Variants in DPYD observed in about 807,000 individuals in gnomAD.
The protein encoded by DPYD is dihydropyrimidine dehydrogenase [NADP(+)].
In DPYD, 109 loss-of-function variants were observed where a neutral mutation model predicts 116.2. The ratio of observed to expected loss-of-function variants is 0.94; its 90% CI spans 0.80 to 1.10. The LOEUF is 1.10. Ranked by LOEUF, DPYD falls within the 50% of genes least tolerant of loss-of-function variation. DPYD has a pLI of 0.00. For missense variants in DPYD, 1,302 were observed against 1,254.5 expected (o/e 1.04, Z -0.57); for synonymous variants, 440 against 432.0 (o/e 1.02, Z -0.23).
chr1:97,662,936 G>A (rs1659351221), intron 8 of DPYD, among the ~76,000 whole-genome samples: 1 of 152,174 alleles, frequency 6.6e-6, no homozygotes, highest in African/African-American at 2.4e-5. Context: ...TCTGCATAGG[G>A]TGGTTATGAA....
intron 14 of DPYD, among the ~76,000 whole-genome samples, chr1:97,405,065 T>C (rs2101647583): frequency 6.6e-6 from 1 of 152,088 alleles, no homozygotes; most frequent in East Asian, 1.9e-4. Context: ...ATGAGCATCT[T>C]ATAATAAAAA....
chr1:97,183,281 T>A (rs1215245561), intron 20 of DPYD, among the ~76,000 whole-genome samples: 1 of 152,118 alleles, frequency 6.6e-6, no homozygotes, highest in Non-Finnish European at 1.5e-5. Flanking sequence ...AATTACTTTT[T>A]TGTCCTGTGT....
chr1:97,198,467 C>T, intron 19 of DPYD, among the ~76,000 whole-genome samples: 1 of 152,052 alleles, frequency 6.6e-6, no homozygotes, highest in East Asian at 1.9e-4. Context: ...GCAAGTGCAC[C>T]ATTGAGAACA....
At chr1:97,914,120 G>T (rs184963678) in intron 1 of DPYD, among the ~76,000 whole-genome samples, 1 of 152,200 alleles carries the variant, frequency 6.6e-6, no homozygotes. Context: ...TAGCAAAAAT[G>T]CTGTTACACA....
intron 16 of DPYD, among the ~76,000 whole-genome samples, chr1:97,318,385 G>C (rs1288002118): frequency 7.3e-6 from 1 of 137,900 alleles, no homozygotes; most frequent in Non-Finnish European, 1.6e-5. Context: ...GATGGAGGAA[G>C]ATCTACCAAG....
chr1:97,737,598 AG>A (rs1664031900), intron 4 of DPYD, among the ~76,000 whole-genome samples: 1 of 152,158 alleles, frequency 6.6e-6, no homozygotes, highest in Non-Finnish European at 1.5e-5. Flanking sequence ...TTGTTTGATA[AG>A]AGTATAAACC....
intron 3 of DPYD, among the ~76,000 whole-genome samples, chr1:97,810,286 CAAAAAAAAAA>C (rs71071672): frequency 1.4e-5 from 1 of 73,610 alleles, no homozygotes; most frequent in African/African-American, 5.8e-5. Flanking sequence ...GACTCCATCT[CAAAAAAAAAA>C]AAAAAAAAAA....
intron 8 of DPYD, 106 bp from the exon 9 acceptor site, chr1:97,595,272 A>T: frequency 1.2e-6 from 1 of 809,366 alleles, no homozygotes. Context: ...TGTCATTCTT[A>T]GAGGAAAACA....
At chr1:97,196,224 C>T (rs1457150734) in intron 19 of DPYD, among the ~76,000 whole-genome samples, 1 of 151,962 alleles carries the variant, frequency 6.6e-6, no homozygotes, top group Non-Finnish European at 1.5e-5. Context: ...CTCAGCTTCC[C>T]AAGTAGCTAG....
chr1:97,210,230 T>C (rs1659949489), intron 19 of DPYD, among the ~76,000 whole-genome samples: 1 of 152,160 alleles, frequency 6.6e-6, no homozygotes, highest in Non-Finnish European at 1.5e-5. Context: ...TTAAAGCTAA[T>C]AAATGTAGAG....
intron 18 of DPYD, among the ~76,000 whole-genome samples, chr1:97,264,875 T>A (rs552440108): frequency 1.3e-5 from 2 of 152,290 alleles, no homozygotes; most frequent in East Asian, 3.9e-4. Flanking sequence ...AAAACCACTA[T>A]GACTTCGAGA....
At chr1:97,685,413 T>A (rs1338816987) in intron 7 of DPYD, among the ~76,000 whole-genome samples, 3 of 152,176 alleles carry the variant, frequency 2.0e-5, no homozygotes, top group Non-Finnish European at 4.4e-5. Flanking sequence ...GCTGGAAGCA[T>A]TCCCCTTGAA....
chr1:97,751,375 T>C (rs911801610), intron 3 of DPYD, among the ~76,000 whole-genome samples: 1 of 144,190 alleles, frequency 6.9e-6, no homozygotes, highest in South Asian at 2.2e-4. Flanking sequence ...CACACACATA[T>C]ATATACATAT....
chr1:97,807,316 C>G (rs1358795060), intron 3 of DPYD, among the ~76,000 whole-genome samples: 4 of 152,078 alleles, frequency 2.6e-5, no homozygotes, highest in Non-Finnish European at 5.9e-5. Flanking sequence ...ACATTCTCAT[C>G]AACATTTGGT....
chr1:97,252,922 C>T (rs1317131853), intron 18 of DPYD, among the ~76,000 whole-genome samples: 1 of 152,112 alleles, frequency 6.6e-6, no homozygotes, highest in East Asian at 1.9e-4. Context: ...AAATACAAAT[C>T]ATAAGACTCC....
At chr1:97,525,939 T>C (rs911945103) in intron 12 of DPYD, among the ~76,000 whole-genome samples, 1 of 149,672 alleles carries the variant, frequency 6.7e-6, no homozygotes, top group Non-Finnish European at 1.5e-5. Flanking sequence ...CCAAGAGCTA[T>C]CTAGTGGGAA....
chr1:97,915,550 T>C (rs1674170914), intron 1 of DPYD, among the ~76,000 whole-genome samples: 1 of 152,164 alleles, frequency 6.6e-6, no homozygotes, highest in South Asian at 2.1e-4. Flanking sequence ...CCCACATGAC[T>C]GATATTTGAG....
At chr1:97,460,608 C>A (rs1028186210) in intron 13 of DPYD, among the ~76,000 whole-genome samples, 1 of 152,176 alleles carries the variant, frequency 6.6e-6, no homozygotes, top group African/African-American at 2.4e-5. Context: ...CTTGTTCTTT[C>A]TTTCCTGAAG....
chr1:97,635,697 C>T (rs527603168), intron 8 of DPYD, among the ~76,000 whole-genome samples: 2 of 152,058 alleles, frequency 1.3e-5, no homozygotes, highest in Admixed American at 6.6e-5. Context: ...AAATTAATGT[C>T]AAACAATTTA....
Sources: gnomAD v4.1 joint callset for allele counts (sites outside exome capture counted in the v4.1 genomes callset) on GRCh38, gnomAD v4.1.1 for gene constraint, MANE v1.5 for transcripts, NCBI Gene and HGNC (gene_info 2026-07-23, HGNC 2026-07-21) for gene names.